TRIM33: variants seen among roughly 807,000 people sequenced by gnomAD.
TRIM33 encodes the protein E3 ubiquitin-protein ligase TRIM33.
Under a neutral mutation model 125.4 loss-of-function variants are expected in TRIM33, and 20 were observed. That is an observed-to-expected ratio of 0.16 (90% confidence interval 0.11 to 0.23). The LOEUF (loss-of-function observed/expected upper bound fraction) is 0.23. TRIM33 is among the 10% of genes least tolerant of loss of function. TRIM33 has a pLI of 1.00. For synonymous variants in TRIM33, 564 were observed against 513.9 expected (o/e 1.10, Z -1.32); for missense variants, 920 against 1,411.4 (o/e 0.65, Z 5.58).
intron 1 of TRIM33, among the ~76,000 whole-genome samples, chr1:114,505,614 C>G (rs2101582456): frequency 6.6e-6 from 1 of 152,350 alleles, no homozygotes; most frequent in East Asian, 1.9e-4. Flanking sequence ...GTCCCCCAGG[C>G]TGGAGTGCAG....
chr1:114,456,456 T>C (rs1649631176), intron 4 of TRIM33, among the ~76,000 whole-genome samples: 1 of 152,212 alleles, frequency 6.6e-6, no homozygotes, highest in South Asian at 2.1e-4. Flanking sequence ...CAGTGAACTA[T>C]GAAAGCCTGA....
intron 4 of TRIM33, among the ~76,000 whole-genome samples, chr1:114,440,422 G>C (rs994205224): frequency 1.3e-5 from 2 of 151,500 alleles, no homozygotes; most frequent in Non-Finnish European, 2.9e-5. Context: ...CATATATAAG[G>C]AAAAACAGCA....
In TRIM33 at chr1:114,399,428, AAGACTCTAT is replaced by A. The variant is rs757264610; in HGVS notation, c.3120+20_3120+28del. On this transcript the variant is annotated intron_variant, in intron 18 of 19. Coordinates refer to ENST00000358465, the MANE Select transcript of TRIM33 (RefSeq NM_015906.4). ...GGAAACAAACAAAAACTAACAAATC[AAGACTCTAT>A]AGGTTGGAAGTTAACATACTTCATT... The A allele has an allele frequency of 1.3e-6, 2 of 1,584,888 alleles. No individual in the cohort carries two copies. Among genetic ancestry groups the A allele is most frequent in the South Asian group, 2.4e-5 (2 of 84,262 alleles).
At chr1:114,510,382 G>A (rs1325745303) in intron 1 of TRIM33, among the ~76,000 whole-genome samples, 169 bp downstream of exon 1, 1 of 151,970 alleles carries the variant, frequency 6.6e-6, no homozygotes, top group Non-Finnish European at 1.5e-5. Flanking sequence ...CTTATCTCTT[G>A]CGGTCCAGCT....
chr1:114,506,577 A>G (rs1412187164), intron 1 of TRIM33, among the ~76,000 whole-genome samples: 1 of 152,108 alleles, frequency 6.6e-6, no homozygotes, highest in Non-Finnish European at 1.5e-5. Context: ...TATGTTACTC[A>G]GGCTGATCTT....
intron 1 of TRIM33, among the ~76,000 whole-genome samples, chr1:114,504,383 G>T (rs1652880208): frequency 6.6e-6 from 1 of 152,006 alleles, no homozygotes; most frequent in Admixed American, 6.6e-5. Flanking sequence ...ACCTAGACTA[G>T]TCCCCTACTC....
intron 4 of TRIM33, among the ~76,000 whole-genome samples, chr1:114,434,816 C>A (rs931539888): frequency 6.6e-6 from 1 of 152,142 alleles, no homozygotes; most frequent in Non-Finnish European, 1.5e-5. Flanking sequence ...CTGCCTAAAT[C>A]GGCCTCAATA....
intron 4 of TRIM33, among the ~76,000 whole-genome samples, chr1:114,444,849 T>C (rs142937647): frequency 1.3e-5 from 2 of 152,302 alleles, no homozygotes; most frequent in Non-Finnish European, 2.9e-5. Context: ...TCAATACAAA[T>C]TGACACCAAG....
chr1:114,485,304 GA>G (rs11405844), intron 1 of TRIM33, among the ~76,000 whole-genome samples: 7 of 148,222 alleles, frequency 4.7e-5, no homozygotes, highest in South Asian at 4.2e-4. Context: ...TAAAAATACT[GA>G]AAAAAAAAAT....
intron 4 of TRIM33, among the ~76,000 whole-genome samples, chr1:114,460,781 T>C (rs2336580): frequency 0.12 from 18,487 of 151,976 alleles, 1,285 homozygotes; most frequent in African/African-American, 0.2. Flanking sequence ...CCTCAGTCCC[T>C]CTCTCTCTAT....
chr1:114,427,419 C>A, intron 7 of TRIM33, 125 bp from the exon 8 acceptor site: 1 of 602,582 alleles, frequency 1.7e-6, no homozygotes, highest in Non-Finnish European at 3.0e-6. Flanking sequence ...TAGGCAGCAT[C>A]AACATTTAAA....
intron 6 of TRIM33, among the ~76,000 whole-genome samples, chr1:114,429,418 C>T (rs1338458010): frequency 6.6e-6 from 1 of 151,770 alleles, no homozygotes; most frequent in Non-Finnish European, 1.5e-5. Context: ...GTCTCGAACT[C>T]CTGACCTTGT....
chr1:114,419,506 G>A (rs555413452), intron 11 of TRIM33, among the ~76,000 whole-genome samples: 6 of 152,122 alleles, frequency 3.9e-5, no homozygotes, highest in South Asian at 2.1e-4. Context: ...CTGTGAAAGC[G>A]CTTCACAAAC....
rs551595856 is a variant in TRIM33 at position 114,488,777 on chromosome 1, C to A, written c.526+21774G>T. On this transcript the variant is annotated intron_variant, in intron 1 of 19. Coordinates refer to ENST00000358465, the MANE Select transcript of TRIM33 (RefSeq NM_015906.4). ...GATCTGTCCTTTAAAAAACAAAAAC[C>A]AAAAAAAATTCAAGGGATCCAGAAG... 8.4e-4 allele frequency among the ~76,000 whole-genome samples: 128 copies of A among 151,536 alleles called. 2 individuals are homozygous for A. The South Asian group carries it at 0.026, about 31-fold the overall frequency.
At chr1:114,432,444 A>C (rs1202914780) in intron 5 of TRIM33, among the ~76,000 whole-genome samples, 2 of 152,170 alleles carry the variant, frequency 1.3e-5, no homozygotes, top group Non-Finnish European at 2.9e-5. Context: ...GTGTGTGTAC[A>C]ATCTACAAGC....
intron 1 of TRIM33, among the ~76,000 whole-genome samples, chr1:114,503,323 A>C (rs939729865): frequency 1.3e-5 from 2 of 152,140 alleles, no homozygotes; most frequent in African/African-American, 4.8e-5. Flanking sequence ...TCTACTAAAA[A>C]TACAAAAATT....
chr1:114,479,238 G>GA lies in TRIM33; in HGVS notation c.527-14851dup, dbSNP rs760812574. Among the ~76,000 whole-genome samples the GA allele has an allele frequency of 2.4e-4, 36 of 152,072 alleles. 1 individual carries two copies. The highest frequency in any genetic ancestry group is 4.4e-4 in the Non-Finnish European group (30 of 67,998). On this transcript the variant is annotated intron_variant, in intron 1 of 19. Transcript: ENST00000358465. ...CACAGGACATAAGAGCAAAGAAATA[G>GA]AAAAAATGTTTGAAGAAATAATGGT...
Position 114,510,984 on chromosome 1 carries a change from C to T in TRIM33, c.93G>A (p.Ala31=). The T allele has an allele frequency of 7.4e-7, 1 of 1,344,448 alleles. No individual in the cohort carries two copies. The highest frequency in any genetic ancestry group is 9.5e-7 in the Non-Finnish European group (1 of 1,049,750). The allele number at this position is 1,344,448 out of a possible 1,614,324, so 83.3% of individuals were successfully genotyped here. The change falls in exon 1 of 20, where the codon GCG becomes GCA. Residue 31 remains alanine, a synonymous_variant. Coordinates refer to ENST00000358465, the MANE Select transcript of TRIM33 (RefSeq NM_015906.4). The part of the protein sequence containing the change: ...PVTAGAAGPA[A]QEAEPPLTAV... Reference sequence around the variant, plus strand: ...CGGTGAGAGGCGGCTCCGCCTCCTGCGCGGCGGGCCCGGCGGCCCCGGCAG... The same window carrying T: ...CGGTGAGAGGCGGCTCCGCCTCCTGTGCGGCGGGCCCGGCGGCCCCGGCAG...
rs754240774 is a variant in TRIM33, at chr1:114,399,624, T to C, written c.2968-15A>G. On this transcript the variant is annotated splice_polypyrimidine_tract_variant and intron_variant, in intron 17 of 19. Transcript: ENST00000358465. Reference sequence around the variant, plus strand: ...TAGTTTGGTATCTAAAATAAGCACATAATGGCAAATAAGAATTCTCCAAAA... The same window carrying C: ...TAGTTTGGTATCTAAAATAAGCACACAATGGCAAATAAGAATTCTCCAAAA... 38 of 1,561,278 alleles carry C rather than the reference T, an allele frequency of 2.4e-5. No individual in the cohort carries two copies. The highest frequency in any genetic ancestry group is 3.3e-5 in the Non-Finnish European group (38 of 1,148,518).
Sources: gnomAD v4.1 joint callset for allele counts (sites outside exome capture counted in the v4.1 genomes callset) on GRCh38, gnomAD v4.1.1 for gene constraint, MANE v1.5 for transcripts, NCBI Gene and HGNC (gene_info 2026-07-23, HGNC 2026-07-21) for gene names.